Variants in HMGXB3 observed in about 807,000 individuals in gnomAD.
The protein encoded by HMGXB3 is HMG domain-containing protein 3.
A neutral mutation model predicts 121.5 loss-of-function variants in HMGXB3; 45 were observed. That is an observed-to-expected ratio of 0.37 (90% confidence interval 0.29 to 0.47). The LOEUF (loss-of-function observed/expected upper bound fraction) is 0.47, where lower values mean the gene tolerates loss of function less well. Among genes scored for constraint, HMGXB3 ranks in the 20% least tolerant of loss-of-function variants. The pLI, the probability that HMGXB3 is intolerant of heterozygous loss-of-function variation, is 0.99. For synonymous variants in HMGXB3, 590 were observed against 624.1 expected, an observed-to-expected ratio of 0.95 and a Z score of 0.81; for missense variants, 1,376 against 1,602.2, an observed-to-expected ratio of 0.86 and a Z score of 2.41.
At chr5:150,013,879 C>T (rs1303445973) in intron 5 of HMGXB3, among the ~76,000 whole-genome samples, 1 of 152,198 alleles carries the variant, frequency 6.6e-6, no homozygotes, top group Non-Finnish European at 1.5e-5. Context: ...CTATTGCTGA[C>T]AGATGAAAAA....
intron 18 of HMGXB3, among the ~76,000 whole-genome samples, chr5:150,048,979 T>TG (rs1442451971): frequency 1.3e-5 from 2 of 152,090 alleles, no homozygotes; most frequent in African/African-American, 2.4e-5. Flanking sequence ...TATATTTTAG[T>TG]GGGGAAATAA....
At chr5:150,002,563 G>A (rs1408875908) in intron 1 of HMGXB3, among the ~76,000 whole-genome samples, 3 of 152,180 alleles carry the variant, frequency 2.0e-5, no homozygotes, top group South Asian at 4.1e-4. Context: ...ATTTTCAGGG[G>A]CAACTATGTT....
chr5:150,026,269 C>T (rs1465824383), intron 7 of HMGXB3, among the ~76,000 whole-genome samples: 1 of 152,150 alleles, frequency 6.6e-6, no homozygotes, highest in African/African-American at 2.4e-5. Flanking sequence ...TTGAGGCCTC[C>T]TCTGTGGTAT....
At chr5:150,016,584 A>T (rs1169489141) in intron 5 of HMGXB3, among the ~76,000 whole-genome samples, 1 of 152,154 alleles carries the variant, frequency 6.6e-6, no homozygotes, top group Admixed American at 6.5e-5. Flanking sequence ...AATTATTGTT[A>T]CATCAAGAAA....
chr5:150,050,550 C>T (rs984039739), intron 19 of HMGXB3, 89 bp downstream of exon 19: 13 of 983,086 alleles, frequency 1.3e-5, no homozygotes, highest in East Asian at 5.3e-5. Flanking sequence ...GGTGTTATCT[C>T]GGCTCACTGC....
At chr5:150,003,876 C>T (rs1429987801) in intron 1 of HMGXB3, among the ~76,000 whole-genome samples, 1 of 152,054 alleles carries the variant, frequency 6.6e-6, no homozygotes, top group Non-Finnish European at 1.5e-5. Context: ...GATTGCTGAG[C>T]CCAGGAGGTC....
chr5:150,026,874 C>A lies in HMGXB3; in HGVS notation c.1629C>A (p.Ser543=). Reference sequence around the variant, plus strand: ...TGCCCAGGGCCAGGCAGGCCTTTTCCCTGAGTGGTAAGGGCTGGGACATAC... The same window carrying A: ...TGCCCAGGGCCAGGCAGGCCTTTTCACTGAGTGGTAAGGGCTGGGACATAC... ...MGLPRARQAF[S]LSDKTPSVRT... is the part of the protein sequence containing the mutation. The change falls in exon 8 of 20, where the codon TCC becomes TCA. Residue 543 remains serine, a synonymous_variant. Coordinates refer to ENST00000502717, the MANE Select transcript of HMGXB3 (RefSeq NM_014983.3). The A allele has an allele frequency of 1.3e-6, 2 of 1,510,036 alleles. No homozygotes were observed. The highest frequency in any genetic ancestry group is 2.6e-5 in the South Asian group (2 of 76,578). 93.5% of individuals were successfully genotyped at this position (1,510,036 alleles called of 1,614,324 possible).
At position 150,051,780 on chromosome 5, in the gene HMGXB3, C is replaced by G. The variant is rs752725558; in HGVS notation, c.3467C>G (p.Thr1156Ser). 3.2e-6 allele frequency: 5 copies of G among 1,544,674 alleles called. No homozygotes were observed. The South Asian group carries it at 6.0e-5, about 18-fold the overall frequency. ...CATTATACTGTGGACATGACAGAAA[C>G]TGAGCACTCTATCCAGCACCCAGTC... ...DQHYTVDMTE[T>S]EHSIQHPVTK... is the part of the protein sequence containing the mutation. The change falls in exon 20 of 20, where the codon ACT (threonine) becomes AGT (serine). Residue 1156 changes from threonine (T) to serine (S), a missense_variant. Thr to Ser is a moderately conservative substitution (Grantham distance 58). Around this residue, in one of 2 missense-constraint regions of HMGXB3, gnomAD observed 260 missense variants for 233.2 expected, o/e 1.11. Transcript: ENST00000502717.
intron 14 of HMGXB3, among the ~76,000 whole-genome samples, chr5:150,041,538 A>C (rs889915723): frequency 1.3e-5 from 2 of 152,264 alleles, no homozygotes; most frequent in African/African-American, 4.8e-5. Context: ...TAACATATCC[A>C]AAGCTTTCAG....
intron 3 of HMGXB3, 22 bp downstream of exon 3, chr5:150,006,669 C>A: frequency 6.5e-7 from 1 of 1,548,094 alleles, no homozygotes; most frequent in Non-Finnish European, 8.7e-7. Flanking sequence ...TTTTTTCCAG[C>A]TATTTTTTCC....
Position 150,041,807 on chromosome 5 carries a change from G to T in HMGXB3, c.2568G>T (p.Glu856Asp), listed in dbSNP as rs1756640111. The T allele has an allele frequency of 2.6e-6, 4 of 1,551,526 alleles. No homozygotes were observed. Among genetic ancestry groups the T allele is most frequent in the Non-Finnish European group, 3.5e-6 (4 of 1,146,860 alleles). Residue 856 changes from glutamate to aspartate, a missense_variant, in exon 15 of 20, where the codon GAG becomes GAT. Physicochemically the swap from Glu to Asp is conservative, Grantham distance 45. Around this residue, in one of 2 missense-constraint regions of HMGXB3, gnomAD observed 1,116 missense variants for 1,369.0 expected, o/e 0.82. Coordinates refer to ENST00000502717, the MANE Select transcript of HMGXB3 (RefSeq NM_014983.3). ...EQTEKTLTSE[E>D]LSQLQELLCN... Reference sequence around the variant, plus strand: ...CAGAGAAGACTCTGACCTCGGAGGAGCTGAGCCAGCTGCAGGAGCTGCTGT... The same window carrying T: ...CAGAGAAGACTCTGACCTCGGAGGATCTGAGCCAGCTGCAGGAGCTGCTGT...
rs75140248 is a variant in HMGXB3, at chr5:150,040,600, A to G, written c.2414-148A>G. Reference sequence around the variant, plus strand: ...ACTGTGTTACCCAAGCTAGTCGACAACTCCTGGGCTCAAGCGATCCTCCTG... The same window carrying G: ...ACTGTGTTACCCAAGCTAGTCGACAGCTCCTGGGCTCAAGCGATCCTCCTG... On this transcript the variant is annotated intron_variant, in intron 13 of 19. Transcript: ENST00000502717. 9,642 of 714,282 alleles carry G rather than the reference A, an allele frequency of 0.013. 749 individuals are homozygous for G. In the African/African-American group the frequency reaches 0.16, roughly 12 times the overall value. 44.2% of individuals were successfully genotyped at this position (714,282 alleles called of 1,614,324 possible).
intron 13 of HMGXB3, 149 bp downstream of exon 13, chr5:150,037,676 C>G (rs749396426): frequency 1.7e-6 from 1 of 595,578 alleles, no homozygotes; most frequent in Non-Finnish European, 2.5e-6. Flanking sequence ...TGTCTTAGTC[C>G]CACAAGATGA....
chr5:150,031,027 T>G (rs951834960), intron 10 of HMGXB3, among the ~76,000 whole-genome samples, 188 bp downstream of exon 10: 2 of 152,190 alleles, frequency 1.3e-5, no homozygotes, highest in Non-Finnish European at 2.9e-5. Context: ...TCTGCTGGGT[T>G]GTTTTGGTCT....
intron 18 of HMGXB3, among the ~76,000 whole-genome samples, chr5:150,049,422 A>T (rs908139759): frequency 1.0e-4 from 15 of 149,292 alleles, no homozygotes; most frequent in Non-Finnish European, 1.6e-4. Flanking sequence ...CCCCCCCCTT[A>T]ACAGGTACTG....
intron 17 of HMGXB3, among the ~76,000 whole-genome samples, chr5:150,048,332 A>G (rs1436682311): frequency 6.6e-6 from 1 of 152,238 alleles, no homozygotes; most frequent in Non-Finnish European, 1.5e-5. Flanking sequence ...CTCAGGCCTC[A>G]GAGTCTGGCA....
chr5:150,007,158 C>A (rs572636034), intron 3 of HMGXB3, among the ~76,000 whole-genome samples: 194 of 152,232 alleles, frequency 1.3e-3, no homozygotes, highest in Middle Eastern at 3.4e-3. Context: ...ATGCTGAAAG[C>A]AAAAATGCAA....
At chr5:150,051,481 T>C (rs1756892881) in intron 19 of HMGXB3, among the ~76,000 whole-genome samples, 1 of 152,196 alleles carries the variant, frequency 6.6e-6, no homozygotes. Context: ...CTGGCCTGAA[T>C]GGACCGGGGG....
chr5:150,043,782 G>A (rs1365476282), intron 15 of HMGXB3, among the ~76,000 whole-genome samples: 2 of 152,184 alleles, frequency 1.3e-5, no homozygotes, highest in African/African-American at 4.8e-5. Flanking sequence ...AGGCACTGAA[G>A]CCCAAGGGCC....
Sources: allele counts gnomAD v4.1 joint callset (sites outside exome capture counted in the v4.1 genomes callset), GRCh38; gene constraint gnomAD v4.1.1; regional missense constraint gnomAD v4.1.1; transcripts MANE v1.5; gene names NCBI Gene and HGNC (gene_info 2026-07-23, HGNC 2026-07-21).